HOMER1: variants seen among roughly 807,000 people sequenced by gnomAD.
HOMER1 encodes homer scaffold protein 1, also known as homer protein homolog 1.
Under a neutral mutation model 48.9 loss-of-function variants are expected in HOMER1, and 3 were observed. That is an observed-to-expected ratio of 0.06 (90% CI 0.03 to 0.16). The LOEUF (loss-of-function observed/expected upper bound fraction) is 0.16. Among genes scored for constraint, HOMER1 ranks in the 10% least tolerant of loss-of-function variants. The probability of loss-of-function intolerance (pLI) is 1.00; values close to 1 mark genes in which losing one functional copy is unlikely to be tolerated. For synonymous variants in HOMER1, 134 were observed against 146.4 expected, an observed-to-expected ratio of 0.92 and a Z score of 0.61; for missense variants, 247 against 411.4, an observed-to-expected ratio of 0.60 and a Z score of 3.46.
rs1447748349 is a variant in HOMER1, at chr5:79,481,917, G to A, written c.6-24899C>T. On this transcript the variant is annotated intron_variant, in intron 1 of 8. Coordinates refer to ENST00000334082, the MANE Select transcript of HOMER1 (RefSeq NM_004272.5). ...CACTGAGTCTCAGAACAAAGCTCAA[G>A]AATATTTAAAAGAATATAAGTCTGG... is the stretch of plus-strand genomic sequence containing the variant. Among the ~76,000 whole-genome samples the A allele has an allele frequency of 4.6e-5, 7 of 152,196 alleles. No individual in the cohort carries two copies. The East Asian group carries it at 1.4e-3, about 29-fold the overall frequency.
chr5:79,488,961 CACATTGTTACCAA>C (rs1173797098), intron 1 of HOMER1, among the ~76,000 whole-genome samples: 1 of 152,156 alleles, frequency 6.6e-6, no homozygotes, highest in Non-Finnish European at 1.5e-5. Context: ...CCTGTGGTTT[CACATTGTTACCAA>C]ACCCAAAATA....
chr5:79,473,476 T>A (rs931759770), intron 1 of HOMER1, among the ~76,000 whole-genome samples: 12 of 152,214 alleles, frequency 7.9e-5, no homozygotes, highest in African/African-American at 2.9e-4. Flanking sequence ...TCCACAATAT[T>A]CAAATGGATT....
rs1186804243 is a variant in HOMER1, at chr5:79,513,810, G to T, written c.-1036C>A. ...TCGACGGGCGCCTGCCCGAGCCAAG[G>T]CGGGAGGCTAAGCCCGCGTTGGGGC... On this transcript the variant is annotated 5_prime_UTR_variant, in exon 1 of 9. Transcript: ENST00000334082. 6.6e-6 allele frequency: 1 copy of T among 152,586 alleles called. No individual in the cohort carries two copies. The highest frequency in any genetic ancestry group is 1.5e-5 in the Non-Finnish European group (1 of 68,256). 9.5% of individuals were successfully genotyped at this position (152,586 alleles called of 1,614,324 possible). A position where few individuals can be genotyped will look rare whatever the true frequency, so the allele number is the denominator to read the frequency against.
intron 5 of HOMER1, among the ~76,000 whole-genome samples, chr5:79,402,592 C>T (rs542451252): frequency 8.5e-5 from 13 of 152,276 alleles, no homozygotes; most frequent in Non-Finnish European, 1.3e-4. Context: ...CCAGGCTTAA[C>T]GTGGAATGTT....
At chr5:79,503,046 C>T (rs1220786202) in intron 1 of HOMER1, among the ~76,000 whole-genome samples, 1 of 152,106 alleles carries the variant, frequency 6.6e-6, no homozygotes, top group Non-Finnish European at 1.5e-5. Flanking sequence ...CTTGGCCTCC[C>T]AAAGTGCTGG....
chr5:79,387,821 A>G (rs1417801278), intron 8 of HOMER1, among the ~76,000 whole-genome samples: 2 of 152,224 alleles, frequency 1.3e-5, no homozygotes, highest in African/African-American at 4.8e-5. Flanking sequence ...ACAGTCCTCT[A>G]TCCTCCCCAA....
At chr5:79,397,704 A>T (rs938232106) in intron 6 of HOMER1, 67 bp from the exon 7 acceptor site, 3 of 841,384 alleles carry the variant, frequency 3.6e-6, no homozygotes, top group African/African-American at 3.4e-5. Flanking sequence ...CTAAATACAT[A>T]GCCCCAAATA....
intron 8 of HOMER1, among the ~76,000 whole-genome samples, chr5:79,383,749 T>C (rs1186848559): frequency 6.6e-6 from 1 of 152,152 alleles, no homozygotes; most frequent in Non-Finnish European, 1.5e-5. Context: ...ACAGATCATA[T>C]GTTAAGCCAC....
At chr5:79,454,871 C>T (rs1174308915) in intron 2 of HOMER1, among the ~76,000 whole-genome samples, 1 of 152,144 alleles carries the variant, frequency 6.6e-6, no homozygotes, top group Non-Finnish European at 1.5e-5. Flanking sequence ...ATACACTGTG[C>T]TTTTGCCTAA....
chr5:79,409,675 T>C lies in HOMER1; in HGVS notation c.528-7620A>G, dbSNP rs553887180. ...ATATCTAGAATATATAAATAACTCCTATAACTCAACAATAACAATTTAAAA... is the reference window on the plus strand; with the variant it reads ...ATATCTAGAATATATAAATAACTCCCATAACTCAACAATAACAATTTAAAA... On this transcript the variant is annotated intron_variant, in intron 5 of 8. Coordinates refer to ENST00000334082, the MANE Select transcript of HOMER1 (RefSeq NM_004272.5). 9.8e-5 allele frequency among the ~76,000 whole-genome samples: 15 copies of C among 152,298 alleles called. No homozygotes were observed. In the East Asian group the frequency reaches 2.7e-3, roughly 27 times the overall value.
At chr5:79,409,373 G>A (rs1380251637) in intron 5 of HOMER1, among the ~76,000 whole-genome samples, 1 of 151,098 alleles carries the variant, frequency 6.6e-6, no homozygotes, top group Non-Finnish European at 1.5e-5. Context: ...CGGAGGTTGT[G>A]GTGAGCCAAG....
intron 1 of HOMER1, among the ~76,000 whole-genome samples, chr5:79,497,761 C>T (rs1377185877): frequency 1.3e-5 from 2 of 151,678 alleles, no homozygotes; most frequent in Non-Finnish European, 2.9e-5. Flanking sequence ...AGCAAGCAAG[C>T]AAGCATGCTT....
chr5:79,465,681 C>T (rs1047822688), intron 1 of HOMER1, among the ~76,000 whole-genome samples: 1 of 148,366 alleles, frequency 6.7e-6, no homozygotes, highest in African/African-American at 2.5e-5. Flanking sequence ...CAAGCTCCAC[C>T]TCCCAGGTTC....
rs996805919 is a variant in HOMER1, at chr5:79,375,610, A to G, written c.*399T>C. 6.5e-6 allele frequency: 1 copy of G among 153,538 alleles called. No homozygotes were observed. The highest frequency in any genetic ancestry group is 1.4e-5 in the Non-Finnish European group (1 of 69,040). 9.5% of individuals were successfully genotyped at this position (153,538 alleles called of 1,614,324 possible). A position where few individuals can be genotyped will look rare whatever the true frequency, so the allele number is the denominator to read the frequency against. On this transcript the variant is annotated 3_prime_UTR_variant, in exon 9 of 9. Transcript: ENST00000334082. The stretch of plus-strand genomic sequence containing the variant: ...TTTTGCACAAAACACAGCTCTAGAT[A>G]TCGTAAATAAATTAATTTAAAAAGC...
chr5:79,381,729 C>T (rs1748983226), intron 8 of HOMER1, among the ~76,000 whole-genome samples: 1 of 151,976 alleles, frequency 6.6e-6, no homozygotes. Flanking sequence ...CCTAAAAATA[C>T]AAAAATTTAG....
chr5:79,491,931 A>T (rs1160702941), intron 1 of HOMER1, among the ~76,000 whole-genome samples: 1 of 152,212 alleles, frequency 6.6e-6, no homozygotes, highest in Non-Finnish European at 1.5e-5. Context: ...TTATGGAGCT[A>T]ATAAGAGGAT....
At chr5:79,410,772 G>A (rs535694020) in intron 5 of HOMER1, among the ~76,000 whole-genome samples, 3 of 151,812 alleles carry the variant, frequency 2.0e-5, no homozygotes, top group African/African-American at 7.2e-5. Flanking sequence ...CTTACATTTA[G>A]CAACAATTAA....
At chr5:79,408,527 CT>C (rs752300290) in intron 5 of HOMER1, among the ~76,000 whole-genome samples, 7 of 152,088 alleles carry the variant, frequency 4.6e-5, no homozygotes, top group Non-Finnish European at 1.0e-4. Context: ...AAATAACAGT[CT>C]TTTAAACAAA....
At chr5:79,510,729 C>T (rs753857274) in intron 1 of HOMER1, 17 of 780,700 alleles carry the variant, frequency 2.2e-5, no homozygotes, top group Admixed American at 1.4e-4. Context: ...CCTACACTGT[C>T]CACCCCAAGC....
Sources: gnomAD v4.1 joint callset for allele counts (sites outside exome capture counted in the v4.1 genomes callset) on GRCh38, gnomAD v4.1.1 for gene constraint, MANE v1.5 for transcripts, NCBI Gene and HGNC (gene_info 2026-07-23, HGNC 2026-07-21) for gene names.